MARCHF1: variants seen among roughly 807,000 people sequenced by gnomAD.
The protein encoded by MARCHF1 is membrane associated ring-CH-type finger 1, also known as E3 ubiquitin-protein ligase MARCHF1.
A neutral mutation model predicts 54.2 loss-of-function variants in MARCHF1; 40 were observed. That is an observed-to-expected ratio of 0.74 (90% CI 0.57 to 0.96). The LOEUF (loss-of-function observed/expected upper bound fraction) is 0.96. MARCHF1 is among the 40% of genes least tolerant of loss of function. The pLI is 0.00. For synonymous variants in MARCHF1, 236 were observed against 236.3 expected (o/e 1.00, Z 0.01); for missense variants, 586 against 656.5 (o/e 0.89, Z 1.17).
In MARCHF1 at chr4:163,935,470, C is replaced by T. The variant is rs573219275; in HGVS notation, c.-39+53031G>A. Among the ~76,000 whole-genome samples the T allele has an allele frequency of 2.9e-3, 438 of 152,276 alleles. 2 individuals carry two copies. Among genetic ancestry groups the T allele is most frequent in the Non-Finnish European group, 4.2e-3 (284 of 68,012 alleles). On this transcript the variant is annotated intron_variant, in intron 3 of 9. Transcript: ENST00000514618. ...CATTAGCATTTGCTGCCTCACCTTGCTCTTTATGTTATGGAAATGGCTTCT... is the reference window on the plus strand; with the variant it reads ...CATTAGCATTTGCTGCCTCACCTTGTTCTTTATGTTATGGAAATGGCTTCT...
chr4:163,883,901 C>G (rs1210256769), intron 3 of MARCHF1, among the ~76,000 whole-genome samples: 2 of 152,132 alleles, frequency 1.3e-5, no homozygotes, highest in South Asian at 2.1e-4. Context: ...CACAAAATAG[C>G]AAATTGGTAT....
At chr4:163,913,672 G>A (rs1751244709) in intron 3 of MARCHF1, among the ~76,000 whole-genome samples, 2 of 152,182 alleles carry the variant, frequency 1.3e-5, no homozygotes, top group African/African-American at 4.8e-5. Flanking sequence ...TGAGGAGAAT[G>A]AGCCTTCCTC....
intron 1 of MARCHF1, among the ~76,000 whole-genome samples, chr4:164,348,117 C>G (rs1730163504): frequency 6.6e-6 from 1 of 151,768 alleles, no homozygotes; most frequent in Admixed American, 6.6e-5. Context: ...TTTCTAGAAG[C>G]AGATGAAAAA....
At chr4:163,902,857 A>G (rs954973319) in intron 3 of MARCHF1, among the ~76,000 whole-genome samples, 7 of 152,114 alleles carry the variant, frequency 4.6e-5, no homozygotes, top group African/African-American at 1.7e-4. Flanking sequence ...AAATTCTCCA[A>G]AACTAGAGCT....
intron 1 of MARCHF1, among the ~76,000 whole-genome samples, chr4:164,167,445 T>C (rs185956357): frequency 5.3e-4 from 80 of 151,848 alleles, no homozygotes; most frequent in African/African-American, 1.9e-3. Context: ...AAAATTCATA[T>C]GAAACCACAA....
intron 3 of MARCHF1, among the ~76,000 whole-genome samples, chr4:163,876,345 C>T (rs1170259250): frequency 2.0e-5 from 3 of 152,106 alleles, no homozygotes; most frequent in Non-Finnish European, 4.4e-5. Flanking sequence ...AAAATAGAGA[C>T]TTGGATATCA....
At chr4:163,847,333 T>C (rs985028039) in intron 4 of MARCHF1, among the ~76,000 whole-genome samples, 2 of 152,284 alleles carry the variant, frequency 1.3e-5, no homozygotes, top group Non-Finnish European at 2.9e-5. Context: ...GTTTTATTAA[T>C]ACTTAGGCTG....
At chr4:164,082,744 A>C (rs1755125761) in intron 2 of MARCHF1, among the ~76,000 whole-genome samples, 1 of 152,230 alleles carries the variant, frequency 6.6e-6, no homozygotes, top group Admixed American at 6.5e-5. Context: ...CCCACGAAGC[A>C]AGCAATGTGA....
intron 3 of MARCHF1, among the ~76,000 whole-genome samples, chr4:163,884,627 G>A (rs1483444905): frequency 6.6e-6 from 1 of 152,094 alleles, no homozygotes. Flanking sequence ...GGTTCACCAG[G>A]TCTTCAAAAA....
At chr4:163,943,963 C>T (rs1000803925) in intron 3 of MARCHF1, among the ~76,000 whole-genome samples, 15 of 150,914 alleles carry the variant, frequency 9.9e-5, no homozygotes, top group Non-Finnish European at 1.6e-4. Flanking sequence ...CAGAAAAATG[C>T]TTTTTTTTGT....
chr4:163,785,736 G>T lies in MARCHF1; in HGVS notation c.111+68285C>A, dbSNP rs114895541. Among the ~76,000 whole-genome samples the T allele has an allele frequency of 2.8e-3, 427 of 150,626 alleles. 2 individuals are homozygous for T. The highest frequency in any genetic ancestry group is 9.8e-3 in the African/African-American group (403 of 41,074). Reference sequence around the variant, plus strand: ...CAGTCAAATTTAATGAATGACACAGGAAAAAAAAAGTCACTGTGATGGGAT... The same window carrying T: ...CAGTCAAATTTAATGAATGACACAGTAAAAAAAAAGTCACTGTGATGGGAT... On this transcript the variant is annotated intron_variant, in intron 4 of 9. Coordinates refer to ENST00000514618, the MANE Select transcript of MARCHF1 (RefSeq NM_001394959.1).
chr4:164,377,610 C>CACACACACACACAT (rs1243858196), intron 1 of MARCHF1, among the ~76,000 whole-genome samples: 2 of 151,996 alleles, frequency 1.3e-5, no homozygotes, highest in South Asian at 2.1e-4. Flanking sequence ...CACACACACA[C>CACACACACACACAT]ACACATACAC....
At chr4:163,696,855 C>T (rs573517268) in intron 5 of MARCHF1, among the ~76,000 whole-genome samples, 2 of 152,230 alleles carry the variant, frequency 1.3e-5, no homozygotes, top group East Asian at 3.9e-4. Context: ...CTCCGAATTC[C>T]CATAGCTTCT....
At chr4:164,166,432 T>C (rs1342271000) in intron 1 of MARCHF1, among the ~76,000 whole-genome samples, 1 of 152,036 alleles carries the variant, frequency 6.6e-6, no homozygotes, top group African/African-American at 2.4e-5. Context: ...ACTTTGTATT[T>C]GACAAAGTGC....
intron 3 of MARCHF1, among the ~76,000 whole-genome samples, chr4:163,867,658 T>G (rs1371103872): frequency 6.6e-6 from 1 of 151,752 alleles, no homozygotes; most frequent in East Asian, 1.9e-4. Context: ...CCACACACTA[T>G]TCTTTGCCAT....
chr4:164,292,510 A>ATCAT (rs1383831002), intron 1 of MARCHF1, among the ~76,000 whole-genome samples: 1 of 152,132 alleles, frequency 6.6e-6, no homozygotes, highest in Non-Finnish European at 1.5e-5. Context: ...ACATGTAAAA[A>ATCAT]TCATATTCCC....
At chr4:164,016,279 G>A (rs1263984027) in intron 2 of MARCHF1, among the ~76,000 whole-genome samples, 1 of 152,058 alleles carries the variant, frequency 6.6e-6, no homozygotes, top group Non-Finnish European at 1.5e-5. Context: ...AGTGTGTGAA[G>A]GAAGCGAAGG....
chr4:164,261,276 C>A (rs1225128309), intron 1 of MARCHF1, among the ~76,000 whole-genome samples: 1 of 151,954 alleles, frequency 6.6e-6, no homozygotes, highest in East Asian at 1.9e-4. Flanking sequence ...ATTACAGGAG[C>A]CCTAGGAAAA....
chr4:164,292,891 C>T (rs1734317949), intron 1 of MARCHF1, among the ~76,000 whole-genome samples: 1 of 152,180 alleles, frequency 6.6e-6, no homozygotes, highest in Non-Finnish European at 1.5e-5. Flanking sequence ...GTTGGTATAT[C>T]AACGTGATTC....
Sources: gnomAD v4.1 joint callset for allele counts (sites outside exome capture counted in the v4.1 genomes callset) on GRCh38, gnomAD v4.1.1 for gene constraint, MANE v1.5 for transcripts, NCBI Gene and HGNC (gene_info 2026-07-23, HGNC 2026-07-21) for gene names.